Variants in ZCWPW2 observed in about 807,000 individuals in gnomAD.
ZCWPW2 encodes zinc finger CW-type and PWWP domain containing 2, also known as zinc finger CW-type PWWP domain protein 2.
In ZCWPW2, 45 loss-of-function variants were observed where a neutral mutation model predicts 46.6. That is an observed-to-expected ratio of 0.96 (90% CI 0.76 to 1.24). The LOEUF is 1.24. Ranked by LOEUF, ZCWPW2 falls within the 50% of genes most tolerant of loss-of-function variation. The pLI is 0.00. For missense variants in ZCWPW2, 429 were observed against 403.9 expected (o/e 1.06, Z -0.53); for synonymous variants, 152 against 137.1 (o/e 1.11, Z -0.76).
intron 4 of ZCWPW2, chr3:28,461,584 A>T (rs1406098570): frequency 6.6e-6 from 1 of 152,168 alleles, no homozygotes; most frequent in Non-Finnish European, 1.5e-5. Flanking sequence ...TTTCATTTTC[A>T]TCTCCAGTTT....
chr3:28,405,189 G>T (rs550056945), intron 2 of ZCWPW2, among the ~76,000 whole-genome samples: 13 of 152,212 alleles, frequency 8.5e-5, no homozygotes, highest in Admixed American at 2.0e-4. Context: ...CTTTGATGTT[G>T]ATCTTTCCAC....
intron 1 of ZCWPW2, among the ~76,000 whole-genome samples, chr3:28,355,104 CT>C (rs1704682494): frequency 6.6e-6 from 1 of 152,064 alleles, no homozygotes; most frequent in East Asian, 1.9e-4. Context: ...CTAGAAAACC[CT>C]ATCGTCTCAG....
Position 28,518,135 on chromosome 3 carries a change from CA to C in ZCWPW2, c.784+2535del, listed in dbSNP as rs35463839. Among the ~76,000 whole-genome samples the C allele has an allele frequency of 6.7e-3, 509 of 75,962 alleles. 1 individual carries two copies. The highest frequency in any genetic ancestry group is 0.018 in the South Asian group (33 of 1,858). The allele number at this position is 75,962 out of a possible 152,430, so 49.8% of individuals were successfully genotyped here. ...TGAGTGACAGAGTGAGACTCCGTCT[CA>C]AAAAAAAAAAAAAAAAAAAATCTAG... On this transcript the variant is annotated intron_variant, in intron 8 of 9. Transcript: ENST00000383768.
intron 4 of ZCWPW2, chr3:28,461,518 T>C (rs539830217): frequency 2.0e-5 from 3 of 152,296 alleles, no homozygotes; most frequent in Admixed American, 2.0e-4. Context: ...TATAAATTTT[T>C]CTTTTTCCTT....
chr3:28,401,336 G>A (rs1487355949), intron 2 of ZCWPW2, among the ~76,000 whole-genome samples: 18 of 152,092 alleles, frequency 1.2e-4, no homozygotes, highest in Non-Finnish European at 7.4e-5. Flanking sequence ...TTGCAGAATC[G>A]ATAAGAATTC....
Position 28,365,975 on chromosome 3 carries a change from ATT to A in ZCWPW2, c.-134+16776_-134+16777del, listed in dbSNP as rs1386414551. Among the ~76,000 whole-genome samples, 4 of 147,918 alleles carry A rather than the reference ATT, an allele frequency of 2.7e-5. No individual in the cohort carries two copies. In the East Asian group the frequency reaches 7.8e-4, roughly 29 times the overall value. ...TTATTGGTGTATAAGAATGCTTGTG[ATT>A]TTTGCACATTGATTTTGCGTCCTGA... On this transcript the variant is annotated intron_variant, in intron 1 of 9. Transcript: ENST00000383768.
chr3:28,487,279 CTGTTA>C (rs773249198), intron 5 of ZCWPW2, among the ~76,000 whole-genome samples: 4 of 151,656 alleles, frequency 2.6e-5, no homozygotes, highest in Non-Finnish European at 5.9e-5. Flanking sequence ...CTTGTATATT[CTGTTA>C]TATTATTTTT....
intron 2 of ZCWPW2, among the ~76,000 whole-genome samples, chr3:28,407,584 A>T (rs183430902): frequency 6.6e-6 from 1 of 152,316 alleles, no homozygotes; most frequent in East Asian, 1.9e-4. Flanking sequence ...TAATTTGCCT[A>T]GTAAAGAGTG....
At chr3:28,389,181 C>T (rs1443615728) in intron 1 of ZCWPW2, among the ~76,000 whole-genome samples, 1 of 152,134 alleles carries the variant, frequency 6.6e-6, no homozygotes, top group Non-Finnish European at 1.5e-5. Flanking sequence ...TAGTGGGCCA[C>T]TAGGGGTAAT....
At chr3:28,351,292 C>T (rs1309435928) in intron 1 of ZCWPW2, among the ~76,000 whole-genome samples, 1 of 150,164 alleles carries the variant, frequency 6.7e-6, no homozygotes, top group Non-Finnish European at 1.5e-5. Flanking sequence ...AGCTCCTTCT[C>T]CACTTTTTTC....
chr3:28,356,756 A>G (rs780728576), intron 1 of ZCWPW2, among the ~76,000 whole-genome samples: 8 of 152,220 alleles, frequency 5.3e-5, no homozygotes, highest in Non-Finnish European at 8.8e-5. Context: ...TCGCAAGGAC[A>G]GTAAACCAAA....
intron 4 of ZCWPW2, among the ~76,000 whole-genome samples, chr3:28,470,929 A>C (rs1003444776): frequency 1.3e-5 from 2 of 152,168 alleles, no homozygotes; most frequent in Non-Finnish European, 2.9e-5. Context: ...GAGACATTAC[A>C]ATCAATACTA....
intron 1 of ZCWPW2, among the ~76,000 whole-genome samples, chr3:28,374,623 A>G (rs1419492507): frequency 6.6e-6 from 1 of 151,948 alleles, no homozygotes; most frequent in Non-Finnish European, 1.5e-5. Flanking sequence ...ATGTCTTTTC[A>G]TTTTTTGTAT....
rs147395679 is a variant in ZCWPW2, at chr3:28,454,448, G to A, written c.492+19179G>A. On this transcript the variant is annotated intron_variant, in intron 4 of 9. Transcript: ENST00000383768. ...AAGTGTTATTCCCTTTCATGAGTAC[G>A]CATTATACTTCTTCATCTTACTTTT... Among the ~76,000 whole-genome samples the A allele has an allele frequency of 2.8e-3, 433 of 152,154 alleles. 2 individuals carry two copies. The highest frequency in any genetic ancestry group is 8.5e-3 in the African/African-American group (352 of 41,520).
intron 4 of ZCWPW2, 67 bp from the exon 5 acceptor site, chr3:28,478,747 A>T: frequency 1.3e-6 from 1 of 752,914 alleles, no homozygotes; most frequent in Non-Finnish European, 2.0e-6. Context: ...CCAGCTTAAT[A>T]AGTGGATTTT....
At chr3:28,507,545 T>C (rs1700311391) in intron 6 of ZCWPW2, among the ~76,000 whole-genome samples, 1 of 152,030 alleles carries the variant, frequency 6.6e-6, no homozygotes, top group African/African-American at 2.4e-5. Flanking sequence ...GGTGCAATCT[T>C]GGCTTCTATG....
rs146077617 is a variant in ZCWPW2, at chr3:28,348,943, C to T, written c.-394C>T. On this transcript the variant is annotated 5_prime_UTR_variant, in exon 1 of 10. Transcript: ENST00000383768. The stretch of plus-strand genomic sequence containing the variant: ...GCACGGGCCGGAGGGAGGGGAAGCA[C>T]TCCGGAAAGTGATTGGAAGTGTGGA... 147 of 985,470 alleles carry T rather than the reference C, an allele frequency of 1.5e-4. No individual in the cohort carries two copies. The African/African-American group carries it at 2.4e-3, about 16-fold the overall frequency. The allele number at this position is 985,470 out of a possible 1,614,324, so 61.0% of individuals were successfully genotyped here. A position where few individuals can be genotyped will look rare whatever the true frequency, so the allele number is the denominator to read the frequency against.
chr3:28,449,697 T>C (rs1698148482), intron 4 of ZCWPW2, among the ~76,000 whole-genome samples: 1 of 152,204 alleles, frequency 6.6e-6, no homozygotes, highest in Non-Finnish European at 1.5e-5. Flanking sequence ...TTTATCATGA[T>C]AAAAAATTAC....
intron 1 of ZCWPW2, among the ~76,000 whole-genome samples, chr3:28,373,304 C>T (rs1026650575): frequency 3.3e-5 from 5 of 152,162 alleles, no homozygotes; most frequent in Admixed American, 1.3e-4. Context: ...TTCTCCACAT[C>T]CTTACCAGCA....
Sources: allele counts gnomAD v4.1 joint callset (sites outside exome capture counted in the v4.1 genomes callset), GRCh38; gene constraint gnomAD v4.1.1; transcripts MANE v1.5; gene names NCBI Gene and HGNC (gene_info 2026-07-23, HGNC 2026-07-21).